The following CDKAL1 variants were observed in gnomAD, a reference collection of about 807,000 sequenced individuals.
The protein encoded by CDKAL1 is threonylcarbamoyladenosine tRNA methylthiotransferase.
Under a neutral mutation model 68.2 loss-of-function variants are expected in CDKAL1, and 32 were observed. That is an observed-to-expected ratio of 0.47 (90% CI 0.35 to 0.63). The LOEUF is 0.63. CDKAL1 is among the 30% of genes least tolerant of loss of function. The probability of loss-of-function intolerance (pLI) is 0.00; values close to 1 mark genes in which losing one functional copy is unlikely to be tolerated. For synonymous variants in CDKAL1, 234 were observed against 244.3 expected, an observed-to-expected ratio of 0.96 and a Z score of 0.39; for missense variants, 606 against 696.7, an observed-to-expected ratio of 0.87 and a Z score of 1.47.
intron 10 of CDKAL1, among the ~76,000 whole-genome samples, chr6:20,993,945 A>C (rs1253563742): frequency 6.6e-6 from 1 of 152,142 alleles, no homozygotes; most frequent in Non-Finnish European, 1.5e-5. Flanking sequence ...TAAATGACCC[A>C]ATATTAAAAC....
At chr6:20,902,187 T>C (rs987327045) in intron 9 of CDKAL1, among the ~76,000 whole-genome samples, 2 of 152,140 alleles carry the variant, frequency 1.3e-5, no homozygotes, top group Admixed American at 6.5e-5. Flanking sequence ...AGCAGTGAAA[T>C]GACATCATCT....
chr6:20,596,973 C>G (rs1203187212), intron 4 of CDKAL1, among the ~76,000 whole-genome samples: 1 of 152,190 alleles, frequency 6.6e-6, no homozygotes, highest in Non-Finnish European at 1.5e-5. Context: ...GGGCTGCCCC[C>G]ACTGTCTAAC....
At chr6:20,609,041 G>T (rs1477444553) in intron 4 of CDKAL1, among the ~76,000 whole-genome samples, 1 of 152,172 alleles carries the variant, frequency 6.6e-6, no homozygotes, top group Non-Finnish European at 1.5e-5. Flanking sequence ...TTGATTTCAT[G>T]TCTGTGTCTT....
intron 5 of CDKAL1, among the ~76,000 whole-genome samples, chr6:20,680,229 G>T (rs907522181): frequency 2.6e-5 from 4 of 151,986 alleles, no homozygotes; most frequent in Admixed American, 1.3e-4. Context: ...ACCATGCCTG[G>T]CTAATTTTTG....
At chr6:20,541,683 A>G (rs1414449485) in intron 2 of CDKAL1, among the ~76,000 whole-genome samples, 1 of 150,376 alleles carries the variant, frequency 6.6e-6, no homozygotes, top group Non-Finnish European at 1.5e-5. Context: ...TTTTTGAGAC[A>G]GAGTTTCGCT....
At position 21,140,892 on chromosome 6, in the gene CDKAL1, G is replaced by A. The variant is rs1034334962; in HGVS notation, c.1299+32429G>A. Among the ~76,000 whole-genome samples the A allele has an allele frequency of 2.0e-5, 3 of 152,256 alleles. No homozygotes were observed. In the South Asian group the frequency reaches 6.2e-4, roughly 32 times the overall value. ...GGGAGGCCTCCGAATCATGGCGGGA[G>A]GCAAAAGGCACTTCTTACATGGCGG... is the stretch of plus-strand genomic sequence containing the variant. On this transcript the variant is annotated intron_variant, in intron 13 of 15. Coordinates refer to ENST00000274695, the MANE Select transcript of CDKAL1 (RefSeq NM_017774.3).
chr6:21,007,977 CA>C (rs1767821252), intron 11 of CDKAL1, among the ~76,000 whole-genome samples: 1 of 152,176 alleles, frequency 6.6e-6, no homozygotes, highest in Non-Finnish European at 1.5e-5. Context: ...TTACAATGTA[CA>C]CTTAGAAGAG....
chr6:20,631,195 C>A (rs1236820886), intron 4 of CDKAL1, among the ~76,000 whole-genome samples: 1 of 152,202 alleles, frequency 6.6e-6, no homozygotes, highest in Non-Finnish European at 1.5e-5. Flanking sequence ...CTGCCACCTT[C>A]TAGATGATTT....
At chr6:21,003,545 G>A (rs1231407455) in intron 11 of CDKAL1, among the ~76,000 whole-genome samples, 2 of 150,498 alleles carry the variant, frequency 1.3e-5, no homozygotes, top group Non-Finnish European at 3.0e-5. Flanking sequence ...CAGCCTGGGT[G>A]ACAGAGTGAG....
chr6:21,180,013 C>T (rs575436332), intron 13 of CDKAL1, among the ~76,000 whole-genome samples: 3 of 152,034 alleles, frequency 2.0e-5, no homozygotes, highest in South Asian at 4.2e-4. Context: ...AAAGCGAGAC[C>T]CTGTCTCAAA....
At chr6:20,749,709 G>A (rs1338348982) in intron 6 of CDKAL1, among the ~76,000 whole-genome samples, 3 of 151,718 alleles carry the variant, frequency 2.0e-5, no homozygotes, top group African/African-American at 7.3e-5. Context: ...CACCAAGCCT[G>A]GCTATTTTTT....
chr6:20,620,905 T>G (rs1445870098), intron 4 of CDKAL1, among the ~76,000 whole-genome samples: 1 of 152,180 alleles, frequency 6.6e-6, no homozygotes, highest in Non-Finnish European at 1.5e-5. Flanking sequence ...CCAATATTAA[T>G]ACATTATTAT....
chr6:21,198,025 G>T lies in CDKAL1; in HGVS notation c.1304G>T (p.Gly435Val). Residue 435 changes from glycine to valine, a missense_variant, in exon 14 of 16, where the codon GGT becomes GTT. Coordinates refer to ENST00000274695, the MANE Select transcript of CDKAL1 (RefSeq NM_017774.3). ...TCCCTCCCCTTCTCTCCACAGATTGGTGAAAGACAACAAGTGTTAGTAACA... is the reference window on the plus strand; with the variant it reads ...TCCCTCCCCTTCTCTCCACAGATTGTTGAAAGACAACAAGTGTTAGTAACA... ...HSYSPYDHKI[G>V]ERQQVLVTEE... The T allele has an allele frequency of 6.3e-7, 1 of 1,595,044 alleles. No individual in the cohort carries two copies.
At chr6:20,769,361 C>T (rs1402711915) in intron 7 of CDKAL1, among the ~76,000 whole-genome samples, 2 of 146,850 alleles carry the variant, frequency 1.4e-5, no homozygotes, top group African/African-American at 2.5e-5. Flanking sequence ...CAGGTTCAAG[C>T]GATTCTTGTG....
At chr6:20,567,939 G>A (rs1051595108) in intron 4 of CDKAL1, among the ~76,000 whole-genome samples, 1 of 151,558 alleles carries the variant, frequency 6.6e-6, no homozygotes, top group Non-Finnish European at 1.5e-5. Context: ...GCAGTGGCGC[G>A]ATCTCGGCTC....
At chr6:20,670,771 T>G (rs1314885822) in intron 5 of CDKAL1, among the ~76,000 whole-genome samples, 3 of 152,218 alleles carry the variant, frequency 2.0e-5, no homozygotes, top group African/African-American at 7.2e-5. Flanking sequence ...TTCCTTTTGT[T>G]TTTTACTTAA....
intron 13 of CDKAL1, among the ~76,000 whole-genome samples, chr6:21,193,354 A>C (rs998062357): frequency 2.0e-5 from 3 of 152,212 alleles, no homozygotes; most frequent in Non-Finnish European, 4.4e-5. Context: ...ATTAGAGTAC[A>C]TAATTTCCTT....
chr6:21,150,240 C>T (rs374970035), intron 13 of CDKAL1, among the ~76,000 whole-genome samples: 134 of 152,232 alleles, frequency 8.8e-4, no homozygotes, highest in Middle Eastern at 3.4e-3. Flanking sequence ...CCAAACAGCA[C>T]GCTTCCGGGG....
chr6:20,741,130 A>C (rs1773437224), intron 6 of CDKAL1, among the ~76,000 whole-genome samples: 1 of 152,060 alleles, frequency 6.6e-6, no homozygotes, highest in South Asian at 2.1e-4. Flanking sequence ...GTATGTTAGG[A>C]TGTACAGGAG....
Sources: allele counts gnomAD v4.1 joint callset (sites outside exome capture counted in the v4.1 genomes callset), GRCh38; gene constraint gnomAD v4.1.1; transcripts MANE v1.5; gene names NCBI Gene and HGNC (gene_info 2026-07-23, HGNC 2026-07-21).